Variants in FAM178B observed in about 807,000 individuals in gnomAD.
FAM178B encodes protein FAM178B.
FAM178B carries 82 observed loss-of-function variants against 91.7 expected under a neutral mutation model. That is an observed-to-expected ratio of 0.89 (90% CI 0.75 to 1.07). The LOEUF is 1.07. Among genes scored for constraint, FAM178B ranks in the 50% least tolerant of loss-of-function variants. FAM178B has a pLI of 0.00. For missense variants in FAM178B, 769 were observed against 846.7 expected, an observed-to-expected ratio of 0.91 and a Z score of 1.14; for synonymous variants, 368 against 359.4, an observed-to-expected ratio of 1.02 and a Z score of -0.27.
chr2:96,901,383 G>A (rs544898330), intron 13 of FAM178B, among the ~76,000 whole-genome samples: 31 of 151,306 alleles, frequency 2.0e-4, no homozygotes, highest in African/African-American at 7.3e-4. Context: ...CATGTTGGTC[G>A]GGCTGGTCTC....
intron 1 of FAM178B, among the ~76,000 whole-genome samples, chr2:96,979,997 T>C (rs992962119): frequency 1.3e-5 from 2 of 152,192 alleles, no homozygotes; most frequent in African/African-American, 4.8e-5. Context: ...TGTTCCATCC[T>C]TGTCAATACT....
intron 1 of FAM178B, among the ~76,000 whole-genome samples, chr2:96,979,953 T>C (rs2082340468): frequency 6.6e-6 from 1 of 152,206 alleles, no homozygotes; most frequent in African/African-American, 2.4e-5. Context: ...TTTTAAAGTT[T>C]TATCCTCCTA....
chr2:96,986,270 CT>C lies in FAM178B; in HGVS notation c.43del (p.Arg15GlyfsTer27). The C allele has an allele frequency of 2.0e-6, 3 of 1,534,578 alleles. No individual in the cohort carries two copies. Among genetic ancestry groups the C allele is most frequent in the Non-Finnish European group, 2.6e-6 (3 of 1,146,790 alleles). On this transcript the variant is annotated frameshift_variant, in exon 1 of 17. Transcript: ENST00000490605. LOFTEE classifies it high-confidence loss of function. ...LPGAGLAPQL[R>X]RQDQRLHFTG... Reference sequence around the variant, plus strand: ...AAAATGGAGCCGCTGATCCTGCCTCCTGAGTTGTGGAGCGAGGCCCGCACCT... The same window carrying C: ...AAAATGGAGCCGCTGATCCTGCCTCCGAGTTGTGGAGCGAGGCCCGCACCT...
chr2:96,928,976 C>T (rs1406817293), intron 9 of FAM178B, among the ~76,000 whole-genome samples: 2 of 101,850 alleles, frequency 2.0e-5, no homozygotes, highest in Non-Finnish European at 3.5e-5. Flanking sequence ...GTAGGGAGAC[C>T]CCCCCCCGCC....
chr2:96,876,223 C>G lies in FAM178B; in HGVS notation c.*53G>C, dbSNP rs1446466547. The G allele has an allele frequency of 1.3e-5, 20 of 1,570,354 alleles. No individual in the cohort carries two copies. Among genetic ancestry groups the G allele is most frequent in the Non-Finnish European group, 1.6e-5 (18 of 1,149,760 alleles). ...CTTCGCTTCCTCCAGTTCCCTGAGC[C>G]TGTTCACTTCCTGCTGAAGCCAGGA... On this transcript the variant is annotated 3_prime_UTR_variant, in exon 17 of 17. Coordinates refer to ENST00000490605, the MANE Select transcript of FAM178B (RefSeq NM_001122646.3).
chr2:96,964,480 G>A (rs868112701), intron 5 of FAM178B, among the ~76,000 whole-genome samples: 1 of 152,158 alleles, frequency 6.6e-6, no homozygotes, highest in East Asian at 1.9e-4. Context: ...CAGAGGAGAC[G>A]GGGTGTATTG....
intron 14 of FAM178B, among the ~76,000 whole-genome samples, chr2:96,883,830 T>C (rs1246061322): frequency 1.3e-5 from 2 of 152,172 alleles, no homozygotes; most frequent in Non-Finnish European, 2.9e-5. Context: ...TCTTGCTTTC[T>C]CCTTTCCATG....
At chr2:96,883,672 T>C (rs1481239754) in intron 14 of FAM178B, among the ~76,000 whole-genome samples, 2 of 152,144 alleles carry the variant, frequency 1.3e-5, no homozygotes, top group Non-Finnish European at 2.9e-5. Context: ...AGGACGAAGA[T>C]GGACCCAAAG....
intron 14 of FAM178B, among the ~76,000 whole-genome samples, chr2:96,882,267 A>G (rs2080403502): frequency 1.3e-5 from 2 of 152,336 alleles, no homozygotes; most frequent in South Asian, 4.1e-4. Flanking sequence ...TGTAGCCAGG[A>G]GCAGGCAGAC....
At chr2:96,907,996 C>A (rs530293707) in intron 12 of FAM178B, among the ~76,000 whole-genome samples, 11 of 152,246 alleles carry the variant, frequency 7.2e-5, no homozygotes, top group African/African-American at 1.9e-4. Flanking sequence ...TGCCTCAGGG[C>A]GTCCGCCTGG....
At chr2:96,877,157 C>T (rs750381842) in intron 16 of FAM178B, among the ~76,000 whole-genome samples, 14 of 152,058 alleles carry the variant, frequency 9.2e-5, no homozygotes, top group Non-Finnish European at 1.3e-4. Flanking sequence ...TGAGAAAACT[C>T]GGCGGGGGTA....
At chr2:96,932,247 C>T (rs2081552213) in intron 8 of FAM178B, among the ~76,000 whole-genome samples, 1 of 152,242 alleles carries the variant, frequency 6.6e-6, no homozygotes, top group African/African-American at 2.4e-5. Context: ...CCCACTCTGC[C>T]AGCCTCCAGC....
chr2:96,954,698 GA>G (rs796695856), intron 6 of FAM178B, among the ~76,000 whole-genome samples: 86 of 152,360 alleles, frequency 5.6e-4, no homozygotes, highest in African/African-American at 1.8e-3. Flanking sequence ...AAATACAATA[GA>G]AACCAATAGC....
chr2:96,878,521 T>C, intron 14 of FAM178B, 28 bp from the exon 15 acceptor site: 1 of 1,608,544 alleles, frequency 6.2e-7, no homozygotes, highest in Non-Finnish European at 8.5e-7. Context: ...GGAGAGCTGC[T>C]TCTCTAACTC....
chr2:96,880,583 G>A (rs992001971), intron 14 of FAM178B, among the ~76,000 whole-genome samples: 3 of 151,634 alleles, frequency 2.0e-5, no homozygotes, highest in Non-Finnish European at 2.9e-5. Flanking sequence ...AGAATACAAT[G>A]AGAGTTGGTT....
Position 96,921,243 on chromosome 2 carries a change from G to A in FAM178B, c.1484C>T (p.Thr495Ile). 6.4e-7 allele frequency: 1 copy of A among 1,551,612 alleles called. No individual in the cohort carries two copies. Among genetic ancestry groups the A allele is most frequent in the Non-Finnish European group, 8.7e-7 (1 of 1,146,968 alleles). The change falls in exon 12 of 17, where the codon ACC becomes ATC. Residue 495 changes from threonine (T) to isoleucine (I), a missense_variant. By Grantham distance (89) the Thr-to-Ile change is moderately conservative. Coordinates refer to ENST00000490605, the MANE Select transcript of FAM178B (RefSeq NM_001122646.3). ...GTGGTGGTCAGACACCCAGCTCAGG[G>A]TGCAGCACAGTTCCTGGAGCTGCAG... ...WPGKLQELCC[T>I]LSWVSDHHHN...
At chr2:96,958,831 A>G (rs914791670) in intron 6 of FAM178B, among the ~76,000 whole-genome samples, 3 of 150,756 alleles carry the variant, frequency 2.0e-5, no homozygotes, top group Admixed American at 2.0e-4. Context: ...GTCTAAAAAT[A>G]GAGTCTTATG....
At position 96,902,696 on chromosome 2, in the gene FAM178B, C is replaced by A. The variant is rs1444478250; in HGVS notation, c.1574G>T (p.Ser525Ile). The change falls in exon 13 of 17, where the codon AGC (serine) becomes ATC (isoleucine). Residue 525 changes from serine (S) to isoleucine (I), a missense_variant. Transcript: ENST00000490605. Reference sequence around the variant, plus strand: ...AGCAATGACCACAAGGCTGAGCTGGCTTCGAAGCCGCCTGGGGGAAAAGCG... The same window carrying A: ...AGCAATGACCACAAGGCTGAGCTGGATTCGAAGCCGCCTGGGGGAAAAGCG... ...DMTSRSRRLR[S>I]QLSLVVIARM... The A allele has an allele frequency of 6.4e-7, 1 of 1,550,428 alleles. No homozygotes were observed. The highest frequency in any genetic ancestry group is 2.4e-5 in the East Asian group (1 of 40,888).
chr2:96,951,652 G>A (rs1641845556), intron 6 of FAM178B, 168 bp from the exon 7 acceptor site: 1 of 601,002 alleles, frequency 1.7e-6, no homozygotes, highest in South Asian at 1.9e-5. Flanking sequence ...TCTGTCAGAA[G>A]GAAAAGAACC....
Sources: gnomAD v4.1 joint callset for allele counts (sites outside exome capture counted in the v4.1 genomes callset) on GRCh38, gnomAD v4.1.1 for gene constraint, MANE v1.5 for transcripts, NCBI Gene and HGNC (gene_info 2026-07-23, HGNC 2026-07-21) for gene names.